SORCS2: variants seen among roughly 807,000 people sequenced by gnomAD.
SORCS2 encodes VPS10 domain-containing receptor SorCS2.
In SORCS2, 100 loss-of-function variants were observed where a neutral mutation model predicts 141.6. The observed-to-expected ratio is 0.71, with a 90% CI of 0.60 to 0.83. The LOEUF (loss-of-function observed/expected upper bound fraction) is 0.83, where lower values mean the gene tolerates loss of function less well. Among genes scored for constraint, SORCS2 ranks in the 40% least tolerant of loss-of-function variants. SORCS2 has a pLI of 0.00. For synonymous variants in SORCS2, 789 were observed against 676.9 expected, an observed-to-expected ratio of 1.17 and a Z score of -2.57; for missense variants, 1,646 against 1,560.2, an observed-to-expected ratio of 1.05 and a Z score of -0.93.
intron 1 of SORCS2, among the ~76,000 whole-genome samples, chr4:7,325,612 T>G (rs1477969260): frequency 2.0e-5 from 3 of 152,172 alleles, no homozygotes; most frequent in African/African-American, 7.2e-5. Context: ...ATCTGGACTG[T>G]ACTTTGCTGC....
chr4:7,414,044 C>A (rs959741937), intron 2 of SORCS2, among the ~76,000 whole-genome samples: 1 of 152,210 alleles, frequency 6.6e-6, no homozygotes, highest in African/African-American at 2.4e-5. Flanking sequence ...CATGTGAGAT[C>A]AGCCTCCTTT....
chr4:7,717,245 CTCTT>C (rs1278640871), intron 17 of SORCS2, among the ~76,000 whole-genome samples: 2 of 152,196 alleles, frequency 1.3e-5, no homozygotes, highest in African/African-American at 4.8e-5. Flanking sequence ...GCCTGGGATG[CTCTT>C]TCTTCTCCTG....
rs565006877 is a variant in SORCS2, at chr4:7,602,978, A to T, written c.649-35350A>T. On this transcript the variant is annotated intron_variant, in intron 3 of 26. Transcript: ENST00000507866. ...TGGAGACCAGCCCGACCAACATGGC[A>T]AAACCCCGTCTCCACCAAAAAAATA... Among the ~76,000 whole-genome samples, 12 of 152,352 alleles carry T rather than the reference A, an allele frequency of 7.9e-5. No individual in the cohort carries two copies. The South Asian group carries it at 2.1e-3, about 26-fold the overall frequency.
chr4:7,551,647 C>T (rs1178389906), intron 3 of SORCS2, among the ~76,000 whole-genome samples: 1 of 152,180 alleles, frequency 6.6e-6, no homozygotes, highest in Non-Finnish European at 1.5e-5. Flanking sequence ...GTGACATGAG[C>T]TGGGTCTTCT....
chr4:7,304,967 G>A (rs1305112648), intron 1 of SORCS2, among the ~76,000 whole-genome samples: 3 of 152,188 alleles, frequency 2.0e-5, no homozygotes, highest in East Asian at 1.9e-4. Context: ...GGCTTCTGGC[G>A]GGGTGACACC....
chr4:7,676,923 C>T lies in SORCS2; in HGVS notation c.1341+694C>T, dbSNP rs868199829. Among the ~76,000 whole-genome samples, 150 of 35,824 alleles carry T rather than the reference C, an allele frequency of 4.2e-3. 4 individuals are homozygous for T. Among genetic ancestry groups the T allele is most frequent in the African/African-American group, 4.8e-3 (50 of 10,412 alleles). The allele number at this position is 35,824 out of a possible 152,430, so 23.5% of individuals were successfully genotyped here. The stretch of plus-strand genomic sequence containing the variant: ...CTCTCTCTCCCTCTCTCCCTCTCTC[C>T]CTCTCTCCCTCTCTCCCTCTCTCCC... On this transcript the variant is annotated intron_variant, in intron 9 of 26. Transcript: ENST00000507866.
chr4:7,249,560 G>T (rs1325542684), intron 1 of SORCS2, among the ~76,000 whole-genome samples: 1 of 152,148 alleles, frequency 6.6e-6, no homozygotes, highest in Non-Finnish European at 1.5e-5. Context: ...ACTGTCATTT[G>T]TGAGGGCTTC....
At chr4:7,305,953 C>T (rs1201606268) in intron 1 of SORCS2, among the ~76,000 whole-genome samples, 3 of 152,330 alleles carry the variant, frequency 2.0e-5, no homozygotes, top group Non-Finnish European at 2.9e-5. Flanking sequence ...TGCTGAAACA[C>T]AGTGAGGCAG....
chr4:7,257,816 C>G (rs1452800358), intron 1 of SORCS2, among the ~76,000 whole-genome samples: 1 of 152,226 alleles, frequency 6.6e-6, no homozygotes, highest in Non-Finnish European at 1.5e-5. Flanking sequence ...GCTTACCTGG[C>G]CTCCCTGGCC....
At chr4:7,383,305 A>G (rs1021416866) in intron 1 of SORCS2, among the ~76,000 whole-genome samples, 1 of 152,220 alleles carries the variant, frequency 6.6e-6, no homozygotes, top group African/African-American at 2.4e-5. Flanking sequence ...CCTAAGGCCA[A>G]GGGACATTGT....
chr4:7,472,965 CATCTT>C (rs1265723584), intron 2 of SORCS2, among the ~76,000 whole-genome samples: 1 of 151,924 alleles, frequency 6.6e-6, no homozygotes, highest in Non-Finnish European at 1.5e-5. Context: ...GTCAATACTA[CATCTT>C]ATTTCATTGA....
intron 3 of SORCS2, among the ~76,000 whole-genome samples, chr4:7,623,702 C>T (rs902121933): frequency 7.9e-5 from 12 of 152,136 alleles, no homozygotes; most frequent in African/African-American, 2.9e-4. Context: ...ATGGTCTTAC[C>T]CCACTCCCCC....
intron 2 of SORCS2, among the ~76,000 whole-genome samples, chr4:7,472,794 G>A (rs1730057270): frequency 6.6e-6 from 1 of 152,172 alleles, no homozygotes; most frequent in Admixed American, 6.5e-5. Flanking sequence ...TCCCCGCTGT[G>A]AGGCTCCCAC....
At chr4:7,480,989 GA>G (rs1730593735) in intron 2 of SORCS2, among the ~76,000 whole-genome samples, 1 of 152,250 alleles carries the variant, frequency 6.6e-6, no homozygotes, top group South Asian at 2.1e-4. Flanking sequence ...GAGAGGTGGC[GA>G]AATCCTGAGG....
At chr4:7,305,018 G>A (rs1443106228) in intron 1 of SORCS2, among the ~76,000 whole-genome samples, 9 of 147,770 alleles carry the variant, frequency 6.1e-5, no homozygotes, top group African/African-American at 2.0e-4. Context: ...TACTCAGGCC[G>A]ACATTCTGGC....
At position 7,227,407 on chromosome 4, in the gene SORCS2, C is replaced by G. The variant is rs115403900; in HGVS notation, c.480+34281C>G. On this transcript the variant is annotated intron_variant, in intron 1 of 26. Coordinates refer to ENST00000507866, the MANE Select transcript of SORCS2 (RefSeq NM_020777.3). Reference sequence around the variant, plus strand: ...GGGAGCCGCTTTCTTCTCGACTTCTCCAGAAAACTGCTGAGCGCCTGCTCC... The same window carrying G: ...GGGAGCCGCTTTCTTCTCGACTTCTGCAGAAAACTGCTGAGCGCCTGCTCC... Among the ~76,000 whole-genome samples, 474 of 152,350 alleles carry G rather than the reference C, an allele frequency of 3.1e-3. 3 individuals carry two copies. Among genetic ancestry groups the G allele is most frequent in the African/African-American group, 0.011 (461 of 41,592 alleles).
chr4:7,705,766 T>C (rs1001601193), intron 14 of SORCS2, among the ~76,000 whole-genome samples: 21 of 152,354 alleles, frequency 1.4e-4, no homozygotes, highest in African/African-American at 5.0e-4. Flanking sequence ...CCCTCGACCC[T>C]GAGTGGCTCT....
chr4:7,423,401 G>A (rs993950870), intron 2 of SORCS2, among the ~76,000 whole-genome samples: 1 of 152,200 alleles, frequency 6.6e-6, no homozygotes, highest in Non-Finnish European at 1.5e-5. Context: ...CTCCTGTGGT[G>A]TGGAAAGCAG....
chr4:7,202,492 C>G (rs190165036), intron 1 of SORCS2, among the ~76,000 whole-genome samples: 1 of 152,310 alleles, frequency 6.6e-6, no homozygotes, highest in Admixed American at 6.5e-5. Flanking sequence ...TCTTCTCACA[C>G]CAGCTCGAAG....
Sources: gnomAD v4.1 joint callset for allele counts (sites outside exome capture counted in the v4.1 genomes callset) on GRCh38, gnomAD v4.1.1 for gene constraint, MANE v1.5 for transcripts, NCBI Gene and HGNC (gene_info 2026-07-23, HGNC 2026-07-21) for gene names.